WDR37: variants seen among roughly 807,000 people sequenced by gnomAD.
The protein encoded by WDR37 is WD repeat domain 37.
In WDR37, 19 loss-of-function variants were observed where a neutral mutation model predicts 62.9. The observed-to-expected ratio is 0.30, with a 90% CI of 0.21 to 0.44. WDR37 has a LOEUF of 0.44. Ranked by LOEUF, WDR37 falls within the 20% of genes least tolerant of loss-of-function variation. The probability of loss-of-function intolerance (pLI) is 1.00; values close to 1 mark genes in which losing one functional copy is unlikely to be tolerated. For synonymous variants in WDR37, 250 were observed against 260.9 expected, an observed-to-expected ratio of 0.96 and a Z score of 0.40; for missense variants, 474 against 657.6, an observed-to-expected ratio of 0.72 and a Z score of 3.05.
intron 7 of WDR37, among the ~76,000 whole-genome samples, chr10:1,087,972 T>G (rs1269203748): frequency 1.3e-5 from 2 of 152,258 alleles, no homozygotes; most frequent in Non-Finnish European, 1.5e-5. Flanking sequence ...TCTGGAGAAC[T>G]TGCTGCAGCT....
At chr10:1,084,355 A>C (rs1423187288) in intron 5 of WDR37, 48 bp from the exon 6 acceptor site, 1 of 1,586,674 alleles carries the variant, frequency 6.3e-7, no homozygotes, top group Admixed American at 1.8e-5. Flanking sequence ...GACTTAGAAA[A>C]ATTTACTTCA....
rs558908076 is a variant in WDR37, at chr10:1,130,151, T to C, written c.*807T>C. The C allele has an allele frequency of 2.0e-5, 3 of 152,784 alleles. No homozygotes were observed. Among genetic ancestry groups the C allele is most frequent in the African/African-American group, 7.2e-5 (3 of 41,568 alleles). The allele number at this position is 152,784 out of a possible 1,614,324, so 9.5% of individuals were successfully genotyped here. A position where few individuals can be genotyped will look rare whatever the true frequency, so the allele number is the denominator to read the frequency against. On this transcript the variant is annotated 3_prime_UTR_variant, in exon 14 of 14. Transcript: ENST00000263150. ...TCCACTGAATGTCACTTGACCTTGA[T>C]AAGAGGCCGCCTGCACACAGAGCCC...
chr10:1,076,678 CAA>C (rs746636401), intron 2 of WDR37, among the ~76,000 whole-genome samples: 17 of 73,550 alleles, frequency 2.3e-4, no homozygotes, highest in Middle Eastern at 8.6e-3. Context: ...GACTCCATCT[CAA>C]AAAAAAAAAA....
chr10:1,087,218 AC>A (rs1474578894), intron 7 of WDR37, among the ~76,000 whole-genome samples: 1 of 150,818 alleles, frequency 6.6e-6, no homozygotes, highest in African/African-American at 2.4e-5. Flanking sequence ...CCCGTGTTAG[AC>A]CCCCTCCTCC....
chr10:1,099,400 A>G (rs1834714668), intron 9 of WDR37, among the ~76,000 whole-genome samples: 1 of 152,228 alleles, frequency 6.6e-6, no homozygotes, highest in Non-Finnish European at 1.5e-5. Context: ...GATGAAAGTA[A>G]TCTAGTTTTG....
At chr10:1,126,759 C>T (rs1835799419) in intron 13 of WDR37, among the ~76,000 whole-genome samples, 1 of 152,212 alleles carries the variant, frequency 6.6e-6, no homozygotes, top group Non-Finnish European at 1.5e-5. Context: ...TCTCTCAGCG[C>T]AGCAACACCT....
At chr10:1,079,888 T>G (rs1833978140) in intron 3 of WDR37, 123 bp from the exon 4 acceptor site, 2 of 708,506 alleles carry the variant, frequency 2.8e-6, no homozygotes, top group South Asian at 3.7e-5. Flanking sequence ...TAGAATATTA[T>G]TCATGTCTTT....
intron 9 of WDR37, among the ~76,000 whole-genome samples, chr10:1,099,284 C>G (rs557355200): frequency 6.6e-6 from 1 of 152,192 alleles, no homozygotes; most frequent in Admixed American, 6.5e-5. Flanking sequence ...CGTGCTCAGC[C>G]CCCCCAGTTC....
intron 11 of WDR37, among the ~76,000 whole-genome samples, chr10:1,119,269 C>T (rs1158697973): frequency 2.0e-5 from 3 of 152,216 alleles, no homozygotes; most frequent in African/African-American, 7.2e-5. Context: ...AGTGCTGTTA[C>T]TGAGTCCAGG....
chr10:1,130,134 A>G lies in WDR37; in HGVS notation c.*790A>G, dbSNP rs1044791646. On this transcript the variant is annotated 3_prime_UTR_variant, in exon 14 of 14. Coordinates refer to ENST00000263150, the MANE Select transcript of WDR37 (RefSeq NM_014023.4). ...ATGTTTCAAATGACTTGTCCACTGAATGTCACTTGACCTTGATAAGAGGCC... is the reference window on the plus strand; with the variant it reads ...ATGTTTCAAATGACTTGTCCACTGAGTGTCACTTGACCTTGATAAGAGGCC... 1 of 152,650 alleles carries G rather than the reference A, an allele frequency of 6.6e-6. No individual in the cohort carries two copies. Among genetic ancestry groups the G allele is most frequent in the African/African-American group, 2.4e-5 (1 of 41,446 alleles). The allele number at this position is 152,650 out of a possible 1,614,324, so 9.5% of individuals were successfully genotyped here. A position where few individuals can be genotyped will look rare whatever the true frequency, so the allele number is the denominator to read the frequency against.
intron 13 of WDR37, among the ~76,000 whole-genome samples, chr10:1,126,360 C>G (rs532352534): frequency 9.4e-5 from 14 of 149,444 alleles, no homozygotes; most frequent in South Asian, 4.2e-4. Flanking sequence ...GAGCTGAGAT[C>G]GCGCCACTGC....
At chr10:1,066,502 G>A (rs1276560515) in intron 1 of WDR37, among the ~76,000 whole-genome samples, 3 of 152,158 alleles carry the variant, frequency 2.0e-5, no homozygotes, top group East Asian at 3.8e-4. Flanking sequence ...AAAAGACTCA[G>A]CATAATAAAT....
intron 10 of WDR37, among the ~76,000 whole-genome samples, chr10:1,104,488 G>C (rs1269809943): frequency 6.6e-6 from 1 of 152,262 alleles, no homozygotes; most frequent in African/African-American, 2.4e-5. Flanking sequence ...CCCTTTTTAA[G>C]GGCTAGGCCA....
intron 1 of WDR37, among the ~76,000 whole-genome samples, chr10:1,063,631 G>A (rs1833442987): frequency 6.6e-6 from 1 of 152,176 alleles, no homozygotes; most frequent in South Asian, 2.1e-4. Context: ...CTTTCTGCTA[G>A]GGTATCATAA....
intron 7 of WDR37, among the ~76,000 whole-genome samples, chr10:1,091,428 T>C (rs191831890): frequency 1.3e-5 from 2 of 152,350 alleles, no homozygotes; most frequent in East Asian, 3.9e-4. Context: ...TGTATTTTAA[T>C]ATTAATAATG....
intron 7 of WDR37, among the ~76,000 whole-genome samples, chr10:1,089,762 C>G (rs1236026828): frequency 6.6e-6 from 1 of 152,246 alleles, no homozygotes; most frequent in Non-Finnish European, 1.5e-5. Context: ...ATCTGCTCTT[C>G]TGGCCTCCAG....
chr10:1,123,549 T>A (rs1835651722), intron 11 of WDR37, among the ~76,000 whole-genome samples: 2 of 152,232 alleles, frequency 1.3e-5, no homozygotes, highest in African/African-American at 4.8e-5. Context: ...TTTCTTTTTT[T>A]ACGACTGAAT....
chr10:1,124,680 GTGTGTGTGTGTGTA>G (rs1835685628), intron 12 of WDR37, among the ~76,000 whole-genome samples: 1 of 148,238 alleles, frequency 6.7e-6, no homozygotes, highest in African/African-American at 2.6e-5. Context: ...GTGTGTGTGT[GTGTGTGTGTGTGTA>G]TTGTGTGTAT....
intron 5 of WDR37, among the ~76,000 whole-genome samples, chr10:1,083,714 T>C (rs1834101729): frequency 1.3e-5 from 2 of 152,240 alleles, no homozygotes; most frequent in African/African-American, 4.8e-5. Context: ...TTCGAGACGA[T>C]GCCTTTCTGT....
Sources: allele counts gnomAD v4.1 joint callset (sites outside exome capture counted in the v4.1 genomes callset), GRCh38; gene constraint gnomAD v4.1.1; transcripts MANE v1.5; gene names NCBI Gene and HGNC (gene_info 2026-07-23, HGNC 2026-07-21).